Variants in SOX6 observed in about 807,000 individuals in gnomAD.
SOX6 encodes the protein transcription factor SOX-6.
Under a neutral mutation model 97.8 loss-of-function variants are expected in SOX6, and 11 were observed. The ratio of observed to expected loss-of-function variants is 0.11; its 90% CI spans 0.07 to 0.19. The LOEUF is 0.19. SOX6 is among the 10% of genes least tolerant of loss of function. The pLI is 1.00. For missense variants in SOX6, 810 were observed against 1,039.5 expected (o/e 0.78, Z 3.04); for synonymous variants, 360 against 371.4 (o/e 0.97, Z 0.35).
intron 1 of SOX6, among the ~76,000 whole-genome samples, chr11:16,398,135 A>G (rs1179346804): frequency 6.6e-6 from 1 of 151,566 alleles, no homozygotes; most frequent in Non-Finnish European, 1.5e-5. Flanking sequence ...CCCACTTGAC[A>G]AGTCCTAACC....
intron 4 of SOX6, among the ~76,000 whole-genome samples, chr11:16,522,774 G>C (rs944843142): frequency 6.6e-6 from 1 of 152,106 alleles, no homozygotes; most frequent in Non-Finnish European, 1.5e-5. Context: ...CAAAATAAAA[G>C]GATGAAGGAA....
At chr11:16,132,308 AAGGAAGGAAGGAAGGAAGGAAG>A (rs1849772729) in intron 6 of SOX6, among the ~76,000 whole-genome samples, 2 of 131,422 alleles carry the variant, frequency 1.5e-5, no homozygotes, top group South Asian at 2.5e-4. Context: ...GGAAGGAAGG[AAGGAAGGAAGGAAGGAAGGAAG>A]GAAAGAAAAA....
intron 3 of SOX6, among the ~76,000 whole-genome samples, chr11:16,697,559 G>A (rs1848063132): frequency 1.3e-5 from 2 of 152,146 alleles, no homozygotes; most frequent in Non-Finnish European, 2.9e-5. Flanking sequence ...GCTTGAAGCC[G>A]AGATCGCTTC....
At chr11:16,102,260 A>C (rs1475482052) in intron 7 of SOX6, among the ~76,000 whole-genome samples, 2 of 151,918 alleles carry the variant, frequency 1.3e-5, no homozygotes, top group East Asian at 1.9e-4. Flanking sequence ...AATCAAATCA[A>C]GAACTCAACC....
At chr11:16,002,178 T>A (rs1310690027) in intron 13 of SOX6, among the ~76,000 whole-genome samples, 4 of 152,008 alleles carry the variant, frequency 2.6e-5, no homozygotes, top group Non-Finnish European at 4.4e-5. Context: ...GGCGCAGGAG[T>A]TATAAAGTGC....
At chr11:16,307,228 T>C (rs776486859) in intron 3 of SOX6, among the ~76,000 whole-genome samples, 2 of 152,164 alleles carry the variant, frequency 1.3e-5, no homozygotes, top group Non-Finnish European at 2.9e-5. Flanking sequence ...AATGCTCCAA[T>C]GCCAATAAAA....
At chr11:16,015,341 A>G in intron 12 of SOX6, 6 of 439,050 alleles carry the variant, frequency 1.4e-5, no homozygotes, top group East Asian at 4.7e-5. Flanking sequence ...TAATCTAAAA[A>G]CAACGCAATA....
chr11:16,583,859 A>G (rs1848063895), intron 4 of SOX6, among the ~76,000 whole-genome samples: 3 of 151,756 alleles, frequency 2.0e-5, no homozygotes, highest in Admixed American at 6.6e-5. Flanking sequence ...TAATGGCTGT[A>G]CTAATGTACA....
chr11:15,994,463 A>G (rs1361201569), intron 13 of SOX6, among the ~76,000 whole-genome samples: 1 of 151,250 alleles, frequency 6.6e-6, no homozygotes, highest in Non-Finnish European at 1.5e-5. Context: ...GGAGTATAAG[A>G]GATGAAATTA....
At chr11:16,170,627 C>T (rs1484870904) in intron 6 of SOX6, among the ~76,000 whole-genome samples, 4 of 152,074 alleles carry the variant, frequency 2.6e-5, no homozygotes, top group African/African-American at 4.8e-5. Context: ...CCGAATGGGA[C>T]GGACTTGCTG....
chr11:16,256,058 T>A (rs961646160), intron 3 of SOX6, among the ~76,000 whole-genome samples: 3 of 152,022 alleles, frequency 2.0e-5, no homozygotes, highest in Non-Finnish European at 4.4e-5. Flanking sequence ...GAAAGTCCTT[T>A]ATATATTAAA....
chr11:16,694,333 G>A (rs1225086959), intron 3 of SOX6, among the ~76,000 whole-genome samples: 1 of 152,110 alleles, frequency 6.6e-6, no homozygotes, highest in Non-Finnish European at 1.5e-5. Context: ...TTCAGGACAA[G>A]CCTGGGCAAC....
At chr11:16,501,643 TG>T (rs1490003935) in intron 4 of SOX6, among the ~76,000 whole-genome samples, 1 of 151,846 alleles carries the variant, frequency 6.6e-6, no homozygotes, top group Non-Finnish European at 1.5e-5. Context: ...ATCAAAAAAT[TG>T]GGCAAAGGAT....
chr11:16,707,753 G>GA (rs1848148412), intron 3 of SOX6, among the ~76,000 whole-genome samples: 1 of 152,058 alleles, frequency 6.6e-6, no homozygotes, highest in African/African-American at 2.4e-5. Flanking sequence ...TAATTCTAGA[G>GA]AAAAAAGTAA....
intron 1 of SOX6, among the ~76,000 whole-genome samples, chr11:16,374,290 G>A (rs140473719): frequency 1.4e-3 from 214 of 152,050 alleles, no homozygotes; most frequent in Non-Finnish European, 2.4e-3. Context: ...TTCATTGTCA[G>A]GAACTCACAT....
intron 4 of SOX6, among the ~76,000 whole-genome samples, chr11:16,233,473 T>C (rs530514343): frequency 1.3e-5 from 2 of 152,268 alleles, no homozygotes; most frequent in African/African-American, 4.8e-5. Context: ...CAATCACGTA[T>C]ATTCAAAAGT....
At chr11:16,188,144 A>T (rs939854238) in intron 4 of SOX6, among the ~76,000 whole-genome samples, 1 of 150,698 alleles carries the variant, frequency 6.6e-6, no homozygotes, top group African/African-American at 2.4e-5. Context: ...TTGTTAGTAT[A>T]TGATTTCTGA....
chr11:16,627,779 A>G (rs1848644548), intron 3 of SOX6, among the ~76,000 whole-genome samples: 1 of 152,172 alleles, frequency 6.6e-6, no homozygotes, highest in Non-Finnish European at 1.5e-5. Flanking sequence ...TTTATTTTGC[A>G]TGCAGAAGCT....
intron 2 of SOX6, among the ~76,000 whole-genome samples, chr11:16,338,556 T>G (rs543527538): frequency 2.6e-5 from 4 of 152,150 alleles, no homozygotes; most frequent in African/African-American, 9.6e-5. Context: ...GCAGCTGCTA[T>G]TTCCCATTTG....
Sources: allele counts gnomAD v4.1 joint callset (sites outside exome capture counted in the v4.1 genomes callset), GRCh38; gene constraint gnomAD v4.1.1; transcripts MANE v1.5; gene names NCBI Gene and HGNC (gene_info 2026-07-23, HGNC 2026-07-21).